Variants in NECAB1 observed in about 807,000 individuals in gnomAD.
NECAB1 encodes N-terminal EF-hand calcium-binding protein 1.
NECAB1 carries 29 observed loss-of-function variants against 57.5 expected under a neutral mutation model. The observed-to-expected ratio is 0.50, with a 90% CI of 0.38 to 0.69. The LOEUF (loss-of-function observed/expected upper bound fraction) is 0.69, where lower values mean the gene tolerates loss of function less well. Among genes scored for constraint, NECAB1 ranks in the 30% least tolerant of loss-of-function variants. The pLI, the probability that NECAB1 is intolerant of heterozygous loss-of-function variation, is 0.00. For synonymous variants in NECAB1, 142 were observed against 147.7 expected (o/e 0.96, Z 0.28); for missense variants, 372 against 413.8 (o/e 0.90, Z 0.88).
intron 3 of NECAB1, among the ~76,000 whole-genome samples, chr8:90,870,660 C>T (rs1808607494): frequency 6.6e-6 from 1 of 152,174 alleles, no homozygotes; most frequent in Non-Finnish European, 1.5e-5. Flanking sequence ...TTTGCCAATT[C>T]TCTATTTCCC....
At chr8:90,879,882 A>G (rs1808806143) in intron 4 of NECAB1, among the ~76,000 whole-genome samples, 1 of 152,172 alleles carries the variant, frequency 6.6e-6, no homozygotes, top group Admixed American at 6.6e-5. Flanking sequence ...TTTTTAAGGA[A>G]TGCATTTTAC....
chr8:90,896,358 AC>A (rs1809331781), intron 5 of NECAB1, among the ~76,000 whole-genome samples: 1 of 152,150 alleles, frequency 6.6e-6, no homozygotes, highest in Admixed American at 6.5e-5. Context: ...TAATCCCAGC[AC>A]TTTGGGAGGC....
intron 2 of NECAB1, among the ~76,000 whole-genome samples, chr8:90,819,910 C>G (rs1387631472): frequency 6.6e-6 from 1 of 151,744 alleles, no homozygotes; most frequent in Non-Finnish European, 1.5e-5. Flanking sequence ...CTTCCCCTGC[C>G]AGAGCCACAA....
intron 2 of NECAB1, among the ~76,000 whole-genome samples, chr8:90,805,916 C>T (rs1471759850): frequency 6.6e-6 from 1 of 152,052 alleles, no homozygotes; most frequent in African/African-American, 2.4e-5. Flanking sequence ...AAAGTTTGTA[C>T]CCTTGACTAT....
chr8:90,812,667 G>C (rs1322188052), intron 2 of NECAB1: 1 of 152,018 alleles, frequency 6.6e-6, no homozygotes, highest in Non-Finnish European at 1.5e-5. Context: ...TGATATCTGA[G>C]CATTTGGTTG....
chr8:90,871,514 A>C (rs1482129543), intron 3 of NECAB1, among the ~76,000 whole-genome samples: 1 of 152,134 alleles, frequency 6.6e-6, no homozygotes, highest in African/African-American at 2.4e-5. Flanking sequence ...TATATTGTTG[A>C]TGAGTAATTT....
intron 2 of NECAB1, among the ~76,000 whole-genome samples, chr8:90,821,696 C>G (rs1658985055): frequency 6.6e-6 from 1 of 151,394 alleles, no homozygotes; most frequent in Admixed American, 6.6e-5. Context: ...TCAAAATGCT[C>G]TCACATCGCC....
At position 90,942,199 on chromosome 8, in the gene NECAB1, G is replaced by C. The variant is rs1810685320; in HGVS notation, c.860+1301G>C. ...CTCTAAGCCTTAGTTTCCTCCTCAA[G>C]AGGCTCATGAGATGGTTGGGAGGAT... On this transcript the variant is annotated intron_variant, in intron 10 of 12. Transcript: ENST00000417640. Among the ~76,000 whole-genome samples, 4 of 152,330 alleles carry C rather than the reference G, an allele frequency of 2.6e-5. No homozygotes were observed. The South Asian group carries it at 8.3e-4, about 32-fold the overall frequency.
chr8:90,888,506 G>A (rs1307993026), intron 5 of NECAB1, among the ~76,000 whole-genome samples: 1 of 152,098 alleles, frequency 6.6e-6, no homozygotes, highest in Admixed American at 6.6e-5. Context: ...AAGTGCAGAG[G>A]GAGAGATTAA....
At chr8:90,820,079 A>C (rs1812121025) in intron 2 of NECAB1, among the ~76,000 whole-genome samples, 1 of 151,824 alleles carries the variant, frequency 6.6e-6, no homozygotes, top group Non-Finnish European at 1.5e-5. Context: ...AACTACCATT[A>C]AAGGGTCCCT....
intron 2 of NECAB1, among the ~76,000 whole-genome samples, chr8:90,803,612 C>T (rs373481093): frequency 2.6e-5 from 4 of 152,254 alleles, no homozygotes; most frequent in African/African-American, 4.8e-5. Flanking sequence ...TTGGCAGACC[C>T]GTCTCATATT....
At chr8:90,922,816 A>G (rs1166030942) in intron 6 of NECAB1, among the ~76,000 whole-genome samples, 1 of 152,088 alleles carries the variant, frequency 6.6e-6, no homozygotes, top group Non-Finnish European at 1.5e-5. Flanking sequence ...TTTTTATACC[A>G]TAGGAAAATT....
At chr8:90,922,212 C>A (rs1161591509) in intron 6 of NECAB1, among the ~76,000 whole-genome samples, 1 of 152,200 alleles carries the variant, frequency 6.6e-6, no homozygotes, top group Non-Finnish European at 1.5e-5. Context: ...ACACAGTTTT[C>A]ATTATATGTG....
intron 5 of NECAB1, among the ~76,000 whole-genome samples, chr8:90,888,088 T>C (rs1216073426): frequency 6.6e-6 from 1 of 152,194 alleles, no homozygotes; most frequent in Non-Finnish European, 1.5e-5. Flanking sequence ...GGTATAGTGA[T>C]AAATTATTTT....
rs1171654966 is a variant in NECAB1, at chr8:90,956,858, C to T, written c.*1346C>T. ...CCAATACCTTTGTATACTCTCAGTTCTCATTCAGTATAAATAAAATTTTAA... is the reference window on the plus strand; with the variant it reads ...CCAATACCTTTGTATACTCTCAGTTTTCATTCAGTATAAATAAAATTTTAA... On this transcript the variant is annotated 3_prime_UTR_variant, in exon 13 of 13. Coordinates refer to ENST00000417640, the MANE Select transcript of NECAB1 (RefSeq NM_022351.5). The T allele has an allele frequency of 2.6e-5, 4 of 152,134 alleles. No individual in the cohort carries two copies. The highest frequency in any genetic ancestry group is 9.7e-5 in the African/African-American group (4 of 41,296). The allele number at this position is 152,134 out of a possible 1,614,324, so 9.4% of individuals were successfully genotyped here.
chr8:90,814,361 C>T (rs1812022452), intron 2 of NECAB1, among the ~76,000 whole-genome samples: 1 of 152,142 alleles, frequency 6.6e-6, no homozygotes, highest in African/African-American at 2.4e-5. Flanking sequence ...TCAGCTTTCT[C>T]CACTGGAAAG....
rs1212542690 is a variant in NECAB1 at position 90,881,201 on chromosome 8, C to T, written c.357+71C>T. Reference sequence around the variant, plus strand: ...AAAAAGATTTTTCTTGAAAATCATACCTATTTTCAACTATAGATTCTTTAT... The same window carrying T: ...AAAAAGATTTTTCTTGAAAATCATATCTATTTTCAACTATAGATTCTTTAT... On this transcript the variant is annotated intron_variant, in intron 5 of 12. Coordinates refer to ENST00000417640, the MANE Select transcript of NECAB1 (RefSeq NM_022351.5). 8 of 1,061,844 alleles carry T rather than the reference C, an allele frequency of 7.5e-6. No individual in the cohort carries two copies. In the Admixed American group the frequency reaches 1.8e-4, roughly 24 times the overall value. The allele number at this position is 1,061,844 out of a possible 1,614,324, so 65.8% of individuals were successfully genotyped here.
At chr8:90,942,301 C>G (rs1204531322) in intron 10 of NECAB1, among the ~76,000 whole-genome samples, 1 of 152,124 alleles carries the variant, frequency 6.6e-6, no homozygotes, top group Non-Finnish European at 1.5e-5. Flanking sequence ...GTCACTATTG[C>G]GTTTACTACT....
chr8:90,845,320 A>G (rs975849086), intron 3 of NECAB1, among the ~76,000 whole-genome samples: 2 of 152,196 alleles, frequency 1.3e-5, no homozygotes, highest in African/African-American at 4.8e-5. Context: ...CTAAGATAAC[A>G]GCAGCCTACT....
Sources: gnomAD v4.1 joint callset for allele counts (sites outside exome capture counted in the v4.1 genomes callset) on GRCh38, gnomAD v4.1.1 for gene constraint, MANE v1.5 for transcripts, NCBI Gene and HGNC (gene_info 2026-07-23, HGNC 2026-07-21) for gene names.